The following TIMM9 variants were observed in gnomAD, a reference collection of about 807,000 sequenced individuals.
The protein encoded by TIMM9 is mitochondrial import inner membrane translocase subunit Tim9.
A neutral mutation model predicts 13.4 loss-of-function variants in TIMM9; 10 were observed. The ratio of observed to expected loss-of-function variants is 0.75; its 90% CI spans 0.46 to 1.26. TIMM9 has a LOEUF of 1.26. TIMM9 is among the 50% of genes most tolerant of loss of function. TIMM9 has a pLI of 0.00. For synonymous variants in TIMM9, 32 were observed against 32.1 expected, an observed-to-expected ratio of 1.00 and a Z score of 0.01; for missense variants, 87 against 100.8, an observed-to-expected ratio of 0.86 and a Z score of 0.58.
chr14:58,415,008 A>T (rs2036355691), intron 3 of TIMM9, among the ~76,000 whole-genome samples: 2 of 152,168 alleles, frequency 1.3e-5, no homozygotes, highest in Non-Finnish European at 2.9e-5. Context: ...ACCCTGCTGT[A>T]ATGTCAGTGG....
chr14:58,426,335 A>G (rs1011046398), intron 2 of TIMM9, among the ~76,000 whole-genome samples: 1 of 151,146 alleles, frequency 6.6e-6, no homozygotes, highest in Non-Finnish European at 1.5e-5. Flanking sequence ...CCTCCTGAGT[A>G]GCTGGGACTA....
rs147817538 is a variant in TIMM9 at position 58,409,927 on chromosome 14, A to G, written c.136-759T>C. On this transcript the variant is annotated intron_variant, in intron 5 of 5. Coordinates refer to ENST00000395159, the MANE Select transcript of TIMM9 (RefSeq NM_012460.4). ...GTTCTCTCTCTGTTGCCCAGGGTGG[A>G]GTGCAGTGCCTCACTGTGGCCTCAA... is the stretch of plus-strand genomic sequence containing the variant. Among the ~76,000 whole-genome samples the G allele has an allele frequency of 6.3e-3, 959 of 152,094 alleles. 8 individuals are homozygous for G. Among genetic ancestry groups the G allele is most frequent in the South Asian group, 0.037 (178 of 4,824 alleles).
In TIMM9 at chr14:58,408,733, T is replaced by C; in HGVS notation, c.*301A>G. ...TCGAACACATAAGTTGCTTTAAAAT[T>C]AACAGTCACAATTGAAGAAACAATG... is the stretch of plus-strand genomic sequence containing the variant. On this transcript the variant is annotated 3_prime_UTR_variant, in exon 6 of 6. Transcript: ENST00000395159. 1.3e-6 allele frequency: 1 copy of C among 782,218 alleles called. No individual in the cohort carries two copies. The highest frequency in any genetic ancestry group is 2.1e-5 in the South Asian group (1 of 47,032). The allele number at this position is 782,218 out of a possible 1,614,324, so 48.5% of individuals were successfully genotyped here. A position where few individuals can be genotyped will look rare whatever the true frequency, so the allele number is the denominator to read the frequency against.
At chr14:58,417,770 G>A (rs4635255) in intron 3 of TIMM9, among the ~76,000 whole-genome samples, 149,898 of 152,184 alleles carry the variant, frequency 0.98, 73,861 homozygotes, top group East Asian at 1. Flanking sequence ...AAAGAGCAGA[G>A]ATCAATTTAA....
At chr14:58,412,006 A>G in intron 3 of TIMM9, 35 bp from the exon 4 acceptor site, 1 of 1,513,602 alleles carries the variant, frequency 6.6e-7, no homozygotes, top group Non-Finnish European at 9.2e-7. Flanking sequence ...TTGTCAATCT[A>G]TAAACAAATG....
intron 3 of TIMM9, 196 bp from the exon 4 acceptor site, chr14:58,412,167 G>A (rs890812633): frequency 1.5e-5 from 7 of 454,594 alleles, no homozygotes; most frequent in Admixed American, 3.6e-5. Flanking sequence ...TTTTTGAGAC[G>A]GAGTCTCACT....
At chr14:58,427,340 C>T in intron 1 of TIMM9, 52 bp downstream of exon 1, 1 of 383,418 alleles carries the variant, frequency 2.6e-6, no homozygotes, top group East Asian at 4.5e-5. Flanking sequence ...TTCCCGACTT[C>T]CTCTCCAATA....
rs796795388 is a variant in TIMM9 at position 58,416,054 on chromosome 14, GA to G, written c.-26-4084del. On this transcript the variant is annotated intron_variant, in intron 3 of 5. Transcript: ENST00000395159. ...AACATGGTGAAACCCCGTCCCTACT[GA>G]AAAAAAAAAAAAAAATACAAAAAGC... Among the ~76,000 whole-genome samples, 391 of 122,046 alleles carry G rather than the reference GA, an allele frequency of 3.2e-3. 2 individuals are homozygous for G. The highest frequency in any genetic ancestry group is 5.5e-3 in the African/African-American group (185 of 33,580). The allele number at this position is 122,046 out of a possible 152,430, so 80.1% of individuals were successfully genotyped here.
At chr14:58,418,335 A>G (rs2140332037) in intron 3 of TIMM9, among the ~76,000 whole-genome samples, 1 of 152,340 alleles carries the variant, frequency 6.6e-6, no homozygotes, top group South Asian at 2.1e-4. Flanking sequence ...GCATGTACAA[A>G]AAAACCTACA....
intron 2 of TIMM9, among the ~76,000 whole-genome samples, chr14:58,425,931 T>C (rs1446053753): frequency 6.6e-6 from 1 of 151,814 alleles, no homozygotes; most frequent in Non-Finnish European, 1.5e-5. Context: ...CTGGCCAACA[T>C]GGTGAAACCC....
Position 58,421,436 on chromosome 14 carries a change from T to C in TIMM9, c.-27+2572A>G, listed in dbSNP as rs373369098. Reference sequence around the variant, plus strand: ...ATATTCTGTATCTTGATTGTATCAATATTAGTATCCTGGATGTGAGTGACA... The same window carrying C: ...ATATTCTGTATCTTGATTGTATCAACATTAGTATCCTGGATGTGAGTGACA... On this transcript the variant is annotated intron_variant, in intron 3 of 5. Coordinates refer to ENST00000395159, the MANE Select transcript of TIMM9 (RefSeq NM_012460.4). 4.0e-4 allele frequency among the ~76,000 whole-genome samples: 61 copies of C among 152,324 alleles called. 1 individual carries two copies. In the South Asian group the frequency reaches 0.011, roughly 28 times the overall value.
intron 3 of TIMM9, among the ~76,000 whole-genome samples, chr14:58,419,799 C>T (rs1055148122): frequency 6.6e-6 from 1 of 152,122 alleles, no homozygotes; most frequent in South Asian, 2.1e-4. Context: ...ACCTGTAGTC[C>T]CAGCTACTCA....
intron 3 of TIMM9, among the ~76,000 whole-genome samples, chr14:58,420,787 C>G (rs542098526): frequency 2.4e-5 from 2 of 83,976 alleles, no homozygotes; most frequent in East Asian, 3.7e-4. Context: ...GAGCAAAAAT[C>G]CATCTCAAAA....
At chr14:58,419,476 C>T (rs1247127923) in intron 3 of TIMM9, among the ~76,000 whole-genome samples, 1 of 150,164 alleles carries the variant, frequency 6.7e-6, no homozygotes, top group African/African-American at 2.5e-5. Flanking sequence ...CACACACACA[C>T]ACACACACAC....
At chr14:58,411,309 G>T (rs549565309) in intron 4 of TIMM9, among the ~76,000 whole-genome samples, 3 of 151,852 alleles carry the variant, frequency 2.0e-5, no homozygotes, top group African/African-American at 7.3e-5. Flanking sequence ...TTAGCCAGGC[G>T]TGGTGGCGCA....
At chr14:58,424,601 T>G (rs1340574211) in intron 2 of TIMM9, among the ~76,000 whole-genome samples, 1 of 152,208 alleles carries the variant, frequency 6.6e-6, no homozygotes, top group Admixed American at 6.5e-5. Context: ...ACTGACCAGG[T>G]GCAGTGGCTC....
At chr14:58,418,428 A>C (rs973682080) in intron 3 of TIMM9, among the ~76,000 whole-genome samples, 1 of 152,238 alleles carries the variant, frequency 6.6e-6, no homozygotes. Context: ...CACCACTCTT[A>C]TCTAACATAC....
At chr14:58,415,020 G>C (rs1011455088) in intron 3 of TIMM9, among the ~76,000 whole-genome samples, 62 of 152,136 alleles carry the variant, frequency 4.1e-4, no homozygotes, top group African/African-American at 1.4e-3. Flanking sequence ...TGTCAGTGGA[G>C]GCCACATGGG....
intron 3 of TIMM9, among the ~76,000 whole-genome samples, chr14:58,415,607 G>T (rs577397630): frequency 1.3e-4 from 20 of 152,270 alleles, no homozygotes; most frequent in Admixed American, 1.2e-3. Flanking sequence ...GAATGGAGGG[G>T]ACAGAGGAAT....
Sources: gnomAD v4.1 joint callset for allele counts (sites outside exome capture counted in the v4.1 genomes callset) on GRCh38, gnomAD v4.1.1 for gene constraint, MANE v1.5 for transcripts, NCBI Gene and HGNC (gene_info 2026-07-23, HGNC 2026-07-21) for gene names.